Variants in FGF12 observed in about 807,000 individuals in gnomAD.
FGF12 encodes fibroblast growth factor 12, also known as fibroblast growth factor 12B.
In FGF12, 14 loss-of-function variants were observed where a neutral mutation model predicts 23.6. That is an observed-to-expected ratio of 0.59 (90% CI 0.39 to 0.93). FGF12 has a LOEUF of 0.93. FGF12 is among the 40% of genes least tolerant of loss of function. The pLI is 0.00. For missense variants in FGF12, 175 were observed against 217.8 expected (o/e 0.80, Z 1.24); for synonymous variants, 62 against 77.3 (o/e 0.80, Z 1.04).
intron 5 of FGF12, among the ~76,000 whole-genome samples, chr3:192,164,573 G>C (rs1313231576): frequency 6.6e-6 from 1 of 151,994 alleles, no homozygotes; most frequent in Non-Finnish European, 1.5e-5. Context: ...AGCAGGACTG[G>C]GATAAAGGCA....
intron 2 of FGF12, among the ~76,000 whole-genome samples, chr3:192,688,756 G>A (rs1267926001): frequency 6.6e-6 from 1 of 152,038 alleles, no homozygotes; most frequent in Non-Finnish European, 1.5e-5. Flanking sequence ...TCAAAGAAAA[G>A]GAAATCAGTA....
At chr3:192,668,037 C>T (rs925389758) in intron 2 of FGF12, among the ~76,000 whole-genome samples, 72 of 151,874 alleles carry the variant, frequency 4.7e-4, no homozygotes, top group African/African-American at 1.6e-3. Flanking sequence ...TTTGTAATAA[C>T]CAGAAACTAA....
intron 2 of FGF12, among the ~76,000 whole-genome samples, chr3:192,507,552 G>C (rs1225144991): frequency 3.3e-5 from 5 of 152,092 alleles, no homozygotes; most frequent in African/African-American, 1.2e-4. Flanking sequence ...CTCACGATAA[G>C]ATTTGCAAGC....
At chr3:192,486,664 GC>G (rs906324885) in intron 2 of FGF12, among the ~76,000 whole-genome samples, 7 of 152,026 alleles carry the variant, frequency 4.6e-5, no homozygotes, top group Admixed American at 4.6e-4. Context: ...GGCCTTGAAG[GC>G]CATGTTAAAG....
At chr3:192,321,806 A>T (rs1196901424) in intron 4 of FGF12, among the ~76,000 whole-genome samples, 1 of 152,118 alleles carries the variant, frequency 6.6e-6, no homozygotes, top group East Asian at 1.9e-4. Flanking sequence ...TGGGTATAGA[A>T]GGATCATATC....
At chr3:192,705,641 T>C (rs1045329887) in intron 2 of FGF12, among the ~76,000 whole-genome samples, 2 of 152,212 alleles carry the variant, frequency 1.3e-5, no homozygotes, top group African/African-American at 4.8e-5. Flanking sequence ...ATGAAAGTTA[T>C]AATAATAGAA....
chr3:192,361,346 G>C (rs1718717691), intron 2 of FGF12, among the ~76,000 whole-genome samples: 1 of 152,068 alleles, frequency 6.6e-6, no homozygotes, highest in African/African-American at 2.4e-5. Flanking sequence ...TCTCATCGCA[G>C]TGCTGGCTGC....
intron 2 of FGF12, among the ~76,000 whole-genome samples, chr3:192,450,128 C>A (rs1722475810): frequency 6.6e-6 from 1 of 152,056 alleles, no homozygotes. Flanking sequence ...AAAACCAAGA[C>A]CTTCTAAATC....
intron 2 of FGF12, among the ~76,000 whole-genome samples, chr3:192,417,030 G>A (rs1721379606): frequency 6.6e-6 from 1 of 152,016 alleles, no homozygotes; most frequent in South Asian, 2.1e-4. Flanking sequence ...TAACTGCAAG[G>A]GATCTCATGA....
chr3:192,439,699 A>T (rs146402489), intron 2 of FGF12, among the ~76,000 whole-genome samples: 1 of 152,148 alleles, frequency 6.6e-6, no homozygotes, highest in Non-Finnish European at 1.5e-5. Flanking sequence ...TAACATGGCC[A>T]GGCGTGGTGG....
chr3:192,169,946 C>T (rs1326003251), intron 5 of FGF12, among the ~76,000 whole-genome samples: 3 of 149,232 alleles, frequency 2.0e-5, no homozygotes, highest in African/African-American at 7.4e-5. Context: ...GGATACAGTG[C>T]AATACGGTAA....
intron 4 of FGF12, among the ~76,000 whole-genome samples, chr3:192,247,264 G>A (rs962155457): frequency 2.0e-5 from 3 of 152,142 alleles, no homozygotes; most frequent in African/African-American, 7.2e-5. Flanking sequence ...ACAAGCAGAT[G>A]CACTCATCTG....
intron 2 of FGF12, among the ~76,000 whole-genome samples, chr3:192,719,786 CAAAAAAA>C (rs553013127): frequency 6.8e-5 from 7 of 102,332 alleles, no homozygotes; most frequent in East Asian, 6.6e-4. Context: ...AGACTAAGGG[CAAAAAAA>C]AAAAAAAAAA....
At chr3:192,174,069 C>T (rs574229344) in intron 4 of FGF12, among the ~76,000 whole-genome samples, 13 of 152,320 alleles carry the variant, frequency 8.5e-5, no homozygotes, top group East Asian at 5.8e-4. Context: ...CTACTGCATA[C>T]GCAATCCTGC....
chr3:192,517,422 G>C (rs1415208914), intron 2 of FGF12, among the ~76,000 whole-genome samples: 1 of 152,176 alleles, frequency 6.6e-6, no homozygotes, highest in East Asian at 1.9e-4. Context: ...CAACAGGATT[G>C]TAAACTTTTA....
At chr3:192,468,737 G>A (rs1300998464) in intron 2 of FGF12, among the ~76,000 whole-genome samples, 1 of 151,554 alleles carries the variant, frequency 6.6e-6, no homozygotes, top group Non-Finnish European at 1.5e-5. Flanking sequence ...TCTTGAGGAG[G>A]AGACTCCGAG....
chr3:192,564,963 C>T (rs76975391), intron 2 of FGF12, among the ~76,000 whole-genome samples: 305 of 152,302 alleles, frequency 2.0e-3, no homozygotes, highest in Non-Finnish European at 1.9e-3. Flanking sequence ...AATAGGAATG[C>T]TGACATTACT....
At chr3:192,605,379 C>CAA (rs34154107) in intron 2 of FGF12, among the ~76,000 whole-genome samples, 3 of 124,588 alleles carry the variant, frequency 2.4e-5, no homozygotes, top group Admixed American at 1.7e-4. Context: ...GACTCCGTCT[C>CAA]AAAAAAAAAA....
intron 2 of FGF12, among the ~76,000 whole-genome samples, chr3:192,663,635 AG>A (rs1367183163): frequency 1.3e-5 from 2 of 152,206 alleles, no homozygotes; most frequent in African/African-American, 4.8e-5. Context: ...GTCACTTAAA[AG>A]TCAAATTATT....
Sources: allele counts gnomAD v4.1 joint callset (sites outside exome capture counted in the v4.1 genomes callset), GRCh38; gene constraint gnomAD v4.1.1; transcripts MANE v1.5; gene names NCBI Gene and HGNC (gene_info 2026-07-23, HGNC 2026-07-21).